ABR: variants seen among roughly 807,000 people sequenced by gnomAD.
ABR encodes the protein active breakpoint cluster region-related protein.
In ABR, 35 loss-of-function variants were observed where a neutral mutation model predicts 107.2. The observed-to-expected ratio is 0.33, with a 90% CI of 0.25 to 0.43. The LOEUF is 0.43. Ranked by LOEUF, ABR falls within the 20% of genes least tolerant of loss-of-function variation. The probability of loss-of-function intolerance (pLI) is 1.00; values close to 1 mark genes in which losing one functional copy is unlikely to be tolerated. For missense variants in ABR, 815 were observed against 1,115.2 expected, an observed-to-expected ratio of 0.73 and a Z score of 3.83; for synonymous variants, 498 against 462.0, an observed-to-expected ratio of 1.08 and a Z score of -1.00.
At chr17:1,098,125 T>C (rs1292459858) in intron 3 of ABR, among the ~76,000 whole-genome samples, 2 of 148,606 alleles carry the variant, frequency 1.3e-5, no homozygotes, top group Non-Finnish European at 1.5e-5. Context: ...CAGGCTGGAG[T>C]GCAGTGGCGC....
intron 1 of ABR, among the ~76,000 whole-genome samples, chr17:1,172,184 G>A (rs142866782): frequency 6.8e-4 from 104 of 152,356 alleles, no homozygotes; most frequent in East Asian, 3.3e-3. Context: ...CAGAGAACCC[G>A]CTGCTCCATC....
chr17:1,176,976 C>G (rs1468465257), intron 1 of ABR, among the ~76,000 whole-genome samples: 2 of 152,146 alleles, frequency 1.3e-5, no homozygotes, highest in African/African-American at 4.8e-5. Flanking sequence ...GAACAATGCT[C>G]AGAGAGAGGA....
chr17:1,022,812 C>T (rs188299207), intron 16 of ABR, among the ~76,000 whole-genome samples: 106 of 152,368 alleles, frequency 7.0e-4, no homozygotes, highest in African/African-American at 2.4e-3. Flanking sequence ...GGGCTGATGC[C>T]GTGTCCCAGG....
chr17:1,024,764 CGAGAGAGTG>C (rs2072035275), intron 16 of ABR, among the ~76,000 whole-genome samples: 1 of 113,602 alleles, frequency 8.8e-6, no homozygotes, highest in Non-Finnish European at 1.7e-5. Context: ...CCAGCCTGGG[CGAGAGAGTG>C]AGACTCCCAC....
At chr17:1,162,223 T>A (rs2041328737) in intron 1 of ABR, among the ~76,000 whole-genome samples, 1 of 152,224 alleles carries the variant, frequency 6.6e-6, no homozygotes, top group Admixed American at 6.5e-5. Context: ...AACAGCGCCG[T>A]GAACACACGT....
At chr17:1,159,284 GAGGT>G (rs745845199) in intron 1 of ABR, among the ~76,000 whole-genome samples, 16,523 of 41,816 alleles carry the variant, frequency 0.4, 3,686 homozygotes, top group African/African-American at 0.5. Context: ...ACACACGGGA[GAGGT>G]AAGAATGCGG....
chr17:1,120,601 C>G (rs979567664), intron 2 of ABR, among the ~76,000 whole-genome samples: 8 of 152,194 alleles, frequency 5.3e-5, no homozygotes, highest in Non-Finnish European at 1.2e-4. Context: ...TTCAATTCGC[C>G]TCCACCCTTA....
chr17:1,011,697 T>C lies in ABR; in HGVS notation c.2101+149A>G, dbSNP rs2070564343. On this transcript the variant is annotated intron_variant, in intron 19 of 22. Transcript: ENST00000302538. The surrounding 1 kb of genome is among the most constrained non-coding windows in gnomAD (Gnocchi z 4.8). ...GGACAAGAGATTGGAGGGGAGGGGA[T>C]TACAAGAGAAAGCACTTGCCACGGG... The C allele has an allele frequency of 2.1e-6, 2 of 966,058 alleles. No homozygotes were observed. The highest frequency in any genetic ancestry group is 5.5e-5 in the Admixed American group (2 of 36,684). 59.8% of individuals were successfully genotyped at this position (966,058 alleles called of 1,614,324 possible). A position where few individuals can be genotyped will look rare whatever the true frequency, so the allele number is the denominator to read the frequency against.
chr17:1,145,750 T>C (rs967672435), intron 1 of ABR, among the ~76,000 whole-genome samples: 1 of 152,208 alleles, frequency 6.6e-6, no homozygotes, highest in African/African-American at 2.4e-5. Flanking sequence ...AGGACCAGGA[T>C]GCACGACCCC....
In ABR at chr17:1,148,647, C is replaced by G. The variant is rs530075001; in HGVS notation, c.62-23280G>C. The stretch of plus-strand genomic sequence containing the variant: ...TGAGCCCTGTCGTGATCTGCGCGTG[C>G]GAGGGATCGCAGTTCCATCCCGAAA... On this transcript the variant is annotated intron_variant, in intron 1 of 22. Transcript: ENST00000302538. This position sits in a 1 kb window ranked among gnomAD's most constrained non-coding sequence, Gnocchi z 4.9. Among the ~76,000 whole-genome samples the G allele has an allele frequency of 2.6e-4, 39 of 152,328 alleles. No homozygotes were observed. The highest frequency in any genetic ancestry group is 4.6e-4 in the Non-Finnish European group (31 of 68,034).
Position 1,179,544 on chromosome 17 carries a change from A to G in ABR, c.61+123T>C. On this transcript the variant is annotated intron_variant, in intron 1 of 22. Transcript: ENST00000302538. This position sits in a 1 kb window ranked among gnomAD's most constrained non-coding sequence, Gnocchi z 4.9. ...TCTCGCCCCCGCCCGCGCTCCCCGG[A>G]CCAGCCCGGTGCCTGGGTCCCGATC... The G allele has an allele frequency of 9.5e-7, 1 of 1,051,020 alleles. No individual in the cohort carries two copies. Among genetic ancestry groups the G allele is most frequent in the Non-Finnish European group, 1.3e-6 (1 of 793,956 alleles). 65.1% of individuals were successfully genotyped at this position (1,051,020 alleles called of 1,614,324 possible).
intron 16 of ABR, among the ~76,000 whole-genome samples, chr17:1,045,006 A>T (rs1211692729): frequency 6.6e-6 from 1 of 152,266 alleles, no homozygotes; most frequent in African/African-American, 2.4e-5. Flanking sequence ...AGAGAAAAGG[A>T]GGTTTATAAT....
Position 1,092,579 on chromosome 17 carries a change from G to A in ABR, c.346-729C>T, listed in dbSNP as rs2037106536. On this transcript the variant is annotated intron_variant, in intron 3 of 22. Transcript: ENST00000302538. The surrounding 1 kb of genome is among the most constrained non-coding windows in gnomAD (Gnocchi z 4.6). ...CAGACCAACCCCCAGCACTGGCCGGGAGCTGATGCCATCACCTTCCAGCCT... is the reference window on the plus strand; with the variant it reads ...CAGACCAACCCCCAGCACTGGCCGGAAGCTGATGCCATCACCTTCCAGCCT... Among the ~76,000 whole-genome samples the A allele has an allele frequency of 6.6e-6, 1 of 152,190 alleles. No individual in the cohort carries two copies. The highest frequency in any genetic ancestry group is 1.5e-5 in the Non-Finnish European group (1 of 68,044).
At chr17:1,016,463 C>A (rs1003077720) in intron 16 of ABR, among the ~76,000 whole-genome samples, 1 of 151,850 alleles carries the variant, frequency 6.6e-6, no homozygotes, top group Non-Finnish European at 1.5e-5. Context: ...ATTACAGGTG[C>A]CTGCCACCAC....
At chr17:1,031,638 C>T (rs1054863827) in intron 16 of ABR, 13 of 1,253,378 alleles carry the variant, frequency 1.0e-5, no homozygotes, top group South Asian at 2.9e-5. Context: ...GCCCCAGAGC[C>T]GGGCGCCGGT....
chr17:1,199,406 T>G (rs1233141314), intron 1 of ABR, among the ~76,000 whole-genome samples: 1 of 150,932 alleles, frequency 6.6e-6, no homozygotes, highest in Non-Finnish European at 1.5e-5. Context: ...GTTTTTGTTT[T>G]CTGGTTTTTT....
At chr17:1,112,607 G>A (rs1293547277) in intron 2 of ABR, among the ~76,000 whole-genome samples, 1 of 151,876 alleles carries the variant, frequency 6.6e-6, no homozygotes, top group Non-Finnish European at 1.5e-5. Context: ...GAGGGAGGGA[G>A]GGAGGGAGGA....
In ABR at chr17:1,005,970, G is replaced by C. The variant is rs1307773239; in HGVS notation, c.*110C>G. ...GTTCTTGGAAGCTGGCTTCCCTCGAGTCTGGAGTGCTGGGTTTGGGAGTTT... is the reference window on the plus strand; with the variant it reads ...GTTCTTGGAAGCTGGCTTCCCTCGACTCTGGAGTGCTGGGTTTGGGAGTTT... On this transcript the variant is annotated 3_prime_UTR_variant, in exon 23 of 23. Transcript: ENST00000302538. 2.0e-6 allele frequency: 2 copies of C among 1,024,462 alleles called. No homozygotes were observed. Among genetic ancestry groups the C allele is most frequent in the Non-Finnish European group, 3.0e-6 (2 of 675,404 alleles). 63.5% of individuals were successfully genotyped at this position (1,024,462 alleles called of 1,614,324 possible). A position where few individuals can be genotyped will look rare whatever the true frequency, so the allele number is the denominator to read the frequency against.
At chr17:1,127,476 G>A (rs1053726691) in intron 1 of ABR, among the ~76,000 whole-genome samples, 11 of 152,110 alleles carry the variant, frequency 7.2e-5, no homozygotes, top group African/African-American at 1.4e-4. Flanking sequence ...GAGGCACAGC[G>A]GCACCCAGCT....
Sources: allele counts gnomAD v4.1 joint callset (sites outside exome capture counted in the v4.1 genomes callset), GRCh38; gene constraint gnomAD v4.1.1; non-coding constraint Gnocchi (gnomAD v3.1); transcripts MANE v1.5; gene names NCBI Gene and HGNC (gene_info 2026-07-23, HGNC 2026-07-21).